Variants in NRXN3 observed in about 807,000 individuals in gnomAD.
NRXN3 encodes the protein neurexin III.
In NRXN3, 32 loss-of-function variants were observed where a neutral mutation model predicts 137.6. That is an observed-to-expected ratio of 0.23 (90% CI 0.18 to 0.31). The LOEUF (loss-of-function observed/expected upper bound fraction) is 0.31, where lower values mean the gene tolerates loss of function less well. Ranked by LOEUF, NRXN3 falls within the 10% of genes least tolerant of loss-of-function variation. NRXN3 has a pLI of 1.00. For synonymous variants in NRXN3, 798 were observed against 784.5 expected (o/e 1.02, Z -0.29); for missense variants, 1,574 against 2,062.5 (o/e 0.76, Z 4.59).
rs757503293 is a variant in NRXN3 at position 78,731,518 on chromosome 14, T to TA, written c.2044+16381dup. On this transcript the variant is annotated intron_variant, in intron 8 of 20. Transcript: ENST00000335750. ...ATTTCATGATAAACAAAAATAAATA[T>TA]AATTGAGCATAACTGTACCAAGCAG... 1.2e-4 allele frequency among the ~76,000 whole-genome samples: 19 copies of TA among 152,014 alleles called. No individual in the cohort carries two copies. The East Asian group carries it at 2.1e-3, about 17-fold the overall frequency.
chr14:79,116,832 C>T (rs963345559), intron 15 of NRXN3, among the ~76,000 whole-genome samples: 6 of 152,100 alleles, frequency 3.9e-5, no homozygotes, highest in Admixed American at 3.3e-4. Context: ...ATAGCAGGGT[C>T]GTTAGATAAT....
At chr14:79,727,677 C>G (rs1213626870) in intron 19 of NRXN3, among the ~76,000 whole-genome samples, 1 of 151,938 alleles carries the variant, frequency 6.6e-6, no homozygotes, top group Non-Finnish European at 1.5e-5. Flanking sequence ...TTTCTCTTTC[C>G]TTTTACTTTA....
At chr14:79,381,051 A>G (rs1349888126) in intron 15 of NRXN3, among the ~76,000 whole-genome samples, 2 of 152,060 alleles carry the variant, frequency 1.3e-5, no homozygotes, top group Non-Finnish European at 2.9e-5. Context: ...TGGTGCTGCT[A>G]CTGGACTCTT....
chr14:79,107,527 A>G (rs2052668404), intron 15 of NRXN3, among the ~76,000 whole-genome samples: 1 of 152,126 alleles, frequency 6.6e-6, no homozygotes, highest in African/African-American at 2.4e-5. Flanking sequence ...TATATTTTGA[A>G]AGGGTACTCT....
intron 8 of NRXN3, among the ~76,000 whole-genome samples, chr14:78,803,099 G>C (rs1162655308): frequency 6.6e-6 from 1 of 152,144 alleles, no homozygotes; most frequent in African/African-American, 2.4e-5. Flanking sequence ...ACAATGGCTG[G>C]ACACTGGGGA....
chr14:79,819,909 A>G (rs1220764197), intron 20 of NRXN3, among the ~76,000 whole-genome samples: 2 of 152,086 alleles, frequency 1.3e-5, no homozygotes, highest in African/African-American at 2.4e-5. Context: ...ATATTTGGGT[A>G]GGAGCTTAAC....
intron 4 of NRXN3, among the ~76,000 whole-genome samples, chr14:78,508,816 A>G (rs929883705): frequency 1.3e-5 from 2 of 152,228 alleles, no homozygotes; most frequent in Non-Finnish European, 2.9e-5. Flanking sequence ...TAAAGTGTAC[A>G]CTTAAAATGG....
At chr14:79,733,688 TA>T (rs1461437063) in intron 19 of NRXN3, among the ~76,000 whole-genome samples, 1 of 150,984 alleles carries the variant, frequency 6.6e-6, no homozygotes, top group Admixed American at 6.6e-5. Flanking sequence ...TTTTTTTTTT[TA>T]TAACTGTGAT....
chr14:79,176,553 C>T (rs568847689), intron 15 of NRXN3, among the ~76,000 whole-genome samples: 7 of 152,252 alleles, frequency 4.6e-5, no homozygotes, highest in Admixed American at 1.3e-4. Flanking sequence ...TATATGCAAC[C>T]GGCACTCTAG....
intron 19 of NRXN3, among the ~76,000 whole-genome samples, chr14:79,788,833 G>T (rs903735846): frequency 2.6e-5 from 4 of 152,032 alleles, no homozygotes; most frequent in Non-Finnish European, 5.9e-5. Flanking sequence ...CTTGGGATCA[G>T]AAAAACATTA....
chr14:79,640,897 T>C (rs926669746), intron 16 of NRXN3, among the ~76,000 whole-genome samples: 1 of 135,970 alleles, frequency 7.4e-6, no homozygotes, highest in South Asian at 2.3e-4. Context: ...GTCTAGTTTC[T>C]AGAGAACACT....
At chr14:78,857,116 A>G (rs939534697) in intron 10 of NRXN3, among the ~76,000 whole-genome samples, 4 of 150,350 alleles carry the variant, frequency 2.7e-5, no homozygotes, top group Non-Finnish European at 4.4e-5. Flanking sequence ...CAAGTATAAA[A>G]CTCTTCAGGC....
At chr14:78,374,009 A>G (rs2087342198) in intron 4 of NRXN3, among the ~76,000 whole-genome samples, 1 of 152,222 alleles carries the variant, frequency 6.6e-6, no homozygotes, top group Non-Finnish European at 1.5e-5. Flanking sequence ...TTTGTTTAAA[A>G]AAGAAGTTAG....
rs369920148 is a variant in NRXN3, at chr14:78,243,685, G to A, written c.592G>A (p.Ala198Thr). Residue 198 changes from alanine (A) to threonine (T), a missense_variant, in exon 2 of 21, where the codon GCC (alanine) becomes ACC (threonine). Physicochemically the swap from Ala to Thr is moderately conservative, Grantham distance 58. Coordinates refer to ENST00000335750, the MANE Select transcript of NRXN3 (RefSeq NM_001330195.2). The surrounding 1 kb of genome is among the most constrained non-coding windows in gnomAD (Gnocchi z 4.2). Reference sequence around the variant, plus strand: ...GGGGAGCCGGGGTGTCCAGATGGATGCCGAGGGACCCTGTGGTGAGCGTCC... The same window carrying A: ...GGGGAGCCGGGGTGTCCAGATGGATACCGAGGGACCCTGTGGTGAGCGTCC... ...LLGSRGVQMDAEGPCGERPCE... is the reference protein window; with the variant it reads ...LLGSRGVQMDTEGPCGERPCE... 45 of 1,598,420 alleles carry A rather than the reference G, an allele frequency of 2.8e-5. No homozygotes were observed. The African/African-American group carries it at 4.9e-4, about 18-fold the overall frequency.
At chr14:79,158,461 A>G (rs1349531377) in intron 15 of NRXN3, among the ~76,000 whole-genome samples, 1 of 151,810 alleles carries the variant, frequency 6.6e-6, no homozygotes. Context: ...CACTCAAACA[A>G]AGAAATATTA....
At chr14:78,345,698 G>A (rs1048712393) in intron 4 of NRXN3, among the ~76,000 whole-genome samples, 25 of 152,126 alleles carry the variant, frequency 1.6e-4, no homozygotes, top group Admixed American at 4.6e-4. Context: ...AGAGGAACCC[G>A]TTTTGGGATG....
Position 79,291,085 on chromosome 14 carries a change from G to C in NRXN3, c.3263-176136G>C, listed in dbSNP as rs75939135. 7.7e-3 allele frequency among the ~76,000 whole-genome samples: 1,174 copies of C among 152,198 alleles called. 24 individuals carry two copies. The South Asian group carries it at 0.08, about 10-fold the overall frequency. On this transcript the variant is annotated intron_variant, in intron 15 of 20. Coordinates refer to ENST00000335750, the MANE Select transcript of NRXN3 (RefSeq NM_001330195.2). ...AAGTTTTATTGTTTATTTTTTCCAG[G>C]AGCCAATTATTATATATCTTTTTTC... is the stretch of plus-strand genomic sequence containing the variant.
At chr14:78,594,944 CT>C in intron 4 of NRXN3, among the ~76,000 whole-genome samples, 1 of 152,308 alleles carries the variant, frequency 6.6e-6, no homozygotes. Context: ...AATTTACTTA[CT>C]TATTCAATAA....
intron 17 of NRXN3, among the ~76,000 whole-genome samples, chr14:79,686,876 G>C (rs2098697428): frequency 6.6e-6 from 1 of 152,126 alleles, no homozygotes; most frequent in African/African-American, 2.4e-5. Flanking sequence ...GACATGTAGA[G>C]GTGAGCTTTA....
Sources: gnomAD v4.1 joint callset for allele counts (sites outside exome capture counted in the v4.1 genomes callset) on GRCh38, gnomAD v4.1.1 for gene constraint, Gnocchi (gnomAD v3.1) non-coding constraint, MANE v1.5 for transcripts, NCBI Gene and HGNC (gene_info 2026-07-23, HGNC 2026-07-21) for gene names.